FRMPD1: variants seen among roughly 807,000 people sequenced by gnomAD.
FRMPD1 encodes the protein FERM and PDZ domain containing 1, also known as FERM and PDZ domain-containing protein 1.
Under a neutral mutation model 117.8 loss-of-function variants are expected in FRMPD1, and 76 were observed. That is an observed-to-expected ratio of 0.65 (90% CI 0.54 to 0.78). The LOEUF (loss-of-function observed/expected upper bound fraction) is 0.78, where lower values mean the gene tolerates loss of function less well. Ranked by LOEUF, FRMPD1 falls within the 30% of genes least tolerant of loss-of-function variation. The pLI, the probability that FRMPD1 is intolerant of heterozygous loss-of-function variation, is 0.00. For synonymous variants in FRMPD1, 783 were observed against 770.4 expected, an observed-to-expected ratio of 1.02 and a Z score of -0.27; for missense variants, 1,786 against 1,964.5, an observed-to-expected ratio of 0.91 and a Z score of 1.72.
Position 37,726,746 on chromosome 9 carries a change from ACT to A in FRMPD1, c.612+2429_612+2430del, listed in dbSNP as rs537940949. On this transcript the variant is annotated intron_variant, in intron 7 of 15. Transcript: ENST00000377765. Reference sequence around the variant, plus strand: ...AAATAAATAAATTACCCAGGGTTATACTCTTAGGAAGCCTGAAGTCTTGGGGT... The same window carrying A: ...AAATAAATAAATTACCCAGGGTTATACTTAGGAAGCCTGAAGTCTTGGGGT... Among the ~76,000 whole-genome samples the A allele has an allele frequency of 1.8e-3, 280 of 152,222 alleles. 1 individual carries two copies. Among genetic ancestry groups the A allele is most frequent in the African/African-American group, 6.2e-3 (259 of 41,542 alleles).
At chr9:37,633,015 T>C in the FRMPD1 span, among the ~76,000 whole-genome samples, 238 of 41,280 alleles carry the variant, frequency 5.8e-3, 1 homozygote, top group African/African-American at 0.018. Context: ...TTTCTACATA[T>C]ATTATATATA....
At chr9:37,743,358 C>A (rs1445366107) in intron 15 of FRMPD1, among the ~76,000 whole-genome samples, 9 of 152,062 alleles carry the variant, frequency 5.9e-5, no homozygotes, top group Admixed American at 5.9e-4. Flanking sequence ...CTTGGGTTAA[C>A]ATCAGCACAA....
chr9:37,629,899 A>G, the FRMPD1 span, among the ~76,000 whole-genome samples: 1 of 152,162 alleles, frequency 6.6e-6, no homozygotes, highest in Non-Finnish European at 1.5e-5. Flanking sequence ...CAATGGAAAT[A>G]TATTCCTGAC....
intron 1 of FRMPD1, among the ~76,000 whole-genome samples, chr9:37,675,314 G>A (rs1588917556): frequency 1.3e-5 from 2 of 151,956 alleles, no homozygotes; most frequent in Non-Finnish European, 2.9e-5. Context: ...CCAGCTACTC[G>A]GGTGGCTGAG....
At chr9:37,653,593 T>C (rs538398504) in intron 1 of FRMPD1, among the ~76,000 whole-genome samples, 2 of 152,272 alleles carry the variant, frequency 1.3e-5, no homozygotes, top group East Asian at 3.9e-4. Flanking sequence ...GCTCAATCCC[T>C]GCCTCACACA....
At chr9:37,653,257 T>A (rs1254159339) in intron 1 of FRMPD1, among the ~76,000 whole-genome samples, 1 of 152,092 alleles carries the variant, frequency 6.6e-6, no homozygotes, top group East Asian at 1.9e-4. Flanking sequence ...TGTATAACAG[T>A]GTCTAATAGG....
At chr9:37,613,045 T>C in the FRMPD1 span, among the ~76,000 whole-genome samples, 1 of 152,298 alleles carries the variant, frequency 6.6e-6, no homozygotes, top group East Asian at 1.9e-4. Flanking sequence ...AGAAGTTCTT[T>C]CCAGTCATGA....
intron 7 of FRMPD1, among the ~76,000 whole-genome samples, chr9:37,726,371 C>T (rs1292210243): frequency 6.6e-6 from 1 of 152,096 alleles, no homozygotes; most frequent in African/African-American, 2.4e-5. Flanking sequence ...TTTTGTGTGC[C>T]AGGCATTTCT....
At chr9:37,664,379 C>T (rs1821096733) in intron 1 of FRMPD1, among the ~76,000 whole-genome samples, 1 of 152,076 alleles carries the variant, frequency 6.6e-6, no homozygotes, top group Non-Finnish European at 1.5e-5. Flanking sequence ...CATAGGTATA[C>T]ATGTGCCTAG....
intron 2 of FRMPD1, among the ~76,000 whole-genome samples, chr9:37,692,958 C>A (rs755310743): frequency 6.6e-6 from 1 of 152,112 alleles, no homozygotes; most frequent in Non-Finnish European, 1.5e-5. Flanking sequence ...CACAGAGACA[C>A]CCCAACTCAC....
intron 6 of FRMPD1, among the ~76,000 whole-genome samples, chr9:37,720,110 A>G (rs951433335): frequency 1.3e-5 from 2 of 152,142 alleles, no homozygotes; most frequent in African/African-American, 2.4e-5. Flanking sequence ...CAGAGCCCTT[A>G]TTTTCTACCT....
chr9:37,735,317 C>T (rs1421735614), intron 12 of FRMPD1, among the ~76,000 whole-genome samples: 1 of 152,098 alleles, frequency 6.6e-6, no homozygotes, highest in Non-Finnish European at 1.5e-5. Flanking sequence ...TGTGAAAATA[C>T]AGATGTGTTT....
intron 7 of FRMPD1, among the ~76,000 whole-genome samples, chr9:37,728,626 A>T (rs115490553): frequency 6.3e-4 from 96 of 152,180 alleles, no homozygotes; most frequent in African/African-American, 2.0e-3. Flanking sequence ...ATTACGCATT[A>T]TTGTCCTCTA....
chr9:37,609,183 T>A, the FRMPD1 span, among the ~76,000 whole-genome samples: 6 of 152,036 alleles, frequency 3.9e-5, no homozygotes, highest in African/African-American at 1.5e-4. Flanking sequence ...TCCCAGCTAC[T>A]TGGGAGGCTG....
chr9:37,614,783 GA>G, the FRMPD1 span, among the ~76,000 whole-genome samples: 2 of 152,224 alleles, frequency 1.3e-5, no homozygotes, highest in Non-Finnish European at 2.9e-5. Flanking sequence ...GGCCAAATGA[GA>G]AGTCATATTA....
At chr9:37,622,263 A>C in the FRMPD1 span, among the ~76,000 whole-genome samples, 1 of 152,090 alleles carries the variant, frequency 6.6e-6, no homozygotes, top group East Asian at 1.9e-4. Flanking sequence ...CATGTTATAA[A>C]CTATTAGGTG....
Position 37,733,740 on chromosome 9 carries a change from C to T in FRMPD1, c.1133C>T (p.Ser378Phe). Residue 378 changes from serine (S) to phenylalanine (F), a missense_variant, in exon 12 of 16, where the codon TCT (serine) becomes TTT (phenylalanine). By Grantham distance (155) the Ser-to-Phe change is radical. Coordinates refer to ENST00000377765, the MANE Select transcript of FRMPD1 (RefSeq NM_014907.3). ...TTTTTCTCTATTAAGCAACTTATTT[C>T]TGCTGCCCAGCTACGTTTAAATTAT... is the stretch of plus-strand genomic sequence containing the variant. Reference protein sequence around the residue: ...LLEPRQKQLISAAQLRLNYLQ... With the variant: ...LLEPRQKQLIFAAQLRLNYLQ... 3 of 1,604,182 alleles carry T rather than the reference C, an allele frequency of 1.9e-6. No homozygotes were observed. Among genetic ancestry groups the T allele is most frequent in the Non-Finnish European group, 2.6e-6 (3 of 1,170,982 alleles).
chr9:37,746,557 G>T lies in FRMPD1; in HGVS notation c.4525G>T (p.Asp1509Tyr), dbSNP rs775132699. The change falls in exon 16 of 16, where the codon GAC becomes TAC. Residue 1509 changes from aspartate (D) to tyrosine (Y), a missense_variant. By Grantham distance (160) the Asp-to-Tyr change is radical. Transcript: ENST00000377765. ...GGCCGGCCTGTGCTTTCAGTTCACA[G>T]ACTGTAGCCGCTGCTCCGCCCGGCA... The part of the protein sequence containing the change: ...QLAGLCFQFT[D>Y]CSRCSARHRE... 6.2e-7 allele frequency: 1 copy of T among 1,613,632 alleles called. No individual in the cohort carries two copies. Among genetic ancestry groups the T allele is most frequent in the African/African-American group, 1.3e-5 (1 of 74,948 alleles).
At chr9:37,716,442 T>G (rs1823122307) in intron 5 of FRMPD1, among the ~76,000 whole-genome samples, 2 of 152,372 alleles carry the variant, frequency 1.3e-5, no homozygotes, top group Admixed American at 1.3e-4. Context: ...AGTTGACAGC[T>G]GTAGTCATTT....
Sources: gnomAD v4.1 joint callset for allele counts (sites outside exome capture counted in the v4.1 genomes callset) on GRCh38, gnomAD v4.1.1 for gene constraint, MANE v1.5 for transcripts, NCBI Gene and HGNC (gene_info 2026-07-23, HGNC 2026-07-21) for gene names.